CAP2: variants seen among roughly 807,000 people sequenced by gnomAD.
The protein encoded by CAP2 is adenylyl cyclase-associated protein 2.
Under a neutral mutation model 57.7 loss-of-function variants are expected in CAP2, and 24 were observed. The observed-to-expected ratio is 0.42, with a 90% CI of 0.30 to 0.58. CAP2 has a LOEUF of 0.58. Among genes scored for constraint, CAP2 ranks in the 20% least tolerant of loss-of-function variants. CAP2 has a pLI of 0.22. For missense variants in CAP2, 501 were observed against 590.3 expected, an observed-to-expected ratio of 0.85 and a Z score of 1.57; for synonymous variants, 194 against 207.2, an observed-to-expected ratio of 0.94 and a Z score of 0.55.
At chr6:17,467,998 T>G (rs1760914628) in intron 4 of CAP2, among the ~76,000 whole-genome samples, 1 of 152,160 alleles carries the variant, frequency 6.6e-6, no homozygotes, top group South Asian at 2.1e-4. Context: ...ACCATCCTTC[T>G]ACTCTGTATG....
chr6:17,551,363 A>G (rs1321794580), intron 11 of CAP2, 101 bp from the exon 12 acceptor site: 12 of 969,222 alleles, frequency 1.2e-5, no homozygotes, highest in Non-Finnish European at 1.8e-5. Flanking sequence ...ATGCTTGGTT[A>G]AGCCCAAGCT....
chr6:17,532,134 C>CTTT lies in CAP2; in HGVS notation c.637-7114_637-7112dup, dbSNP rs35428314. ...TACCTCTATTGTTGGGTTTGAAAAT[C>CTTT]TTTTTTTTTTTTTTTTTTTTTTTGG... is the stretch of plus-strand genomic sequence containing the variant. On this transcript the variant is annotated intron_variant, in intron 7 of 12. Coordinates refer to ENST00000229922, the MANE Select transcript of CAP2 (RefSeq NM_006366.3). Among the ~76,000 whole-genome samples, 194 of 85,884 alleles carry CTTT rather than the reference C, an allele frequency of 2.3e-3. 1 individual carries two copies. Among genetic ancestry groups the CTTT allele is most frequent in the East Asian group, 3.1e-3 (9 of 2,900 alleles). The allele number at this position is 85,884 out of a possible 152,430, so 56.3% of individuals were successfully genotyped here. A position where few individuals can be genotyped will look rare whatever the true frequency, so the allele number is the denominator to read the frequency against.
intron 1 of CAP2, among the ~76,000 whole-genome samples, chr6:17,402,551 T>G (rs768164332): frequency 5.9e-5 from 9 of 152,208 alleles, no homozygotes; most frequent in Non-Finnish European, 1.3e-4. Context: ...AATGAAATTT[T>G]GACTCTCATA....
chr6:17,543,183 C>G (rs1350344027), intron 11 of CAP2, 40 bp downstream of exon 11: 2 of 1,504,574 alleles, frequency 1.3e-6, no homozygotes, highest in Admixed American at 3.4e-5. Context: ...ATAAGCAGAG[C>G]CTTTCCAACC....
chr6:17,523,124 C>T (rs563368573), intron 7 of CAP2, among the ~76,000 whole-genome samples: 6 of 152,168 alleles, frequency 3.9e-5, no homozygotes, highest in Non-Finnish European at 8.8e-5. Context: ...ATTAGAGGCC[C>T]TGATACGTGT....
At chr6:17,550,381 G>A (rs1763140285) in intron 11 of CAP2, among the ~76,000 whole-genome samples, 1 of 138,106 alleles carries the variant, frequency 7.2e-6, no homozygotes, top group South Asian at 2.3e-4. Context: ...ACCTGACCTT[G>A]AACTACCCCT....
chr6:17,417,388 G>C (rs1041817541), intron 1 of CAP2, among the ~76,000 whole-genome samples: 1 of 150,310 alleles, frequency 6.7e-6, no homozygotes, highest in Non-Finnish European at 1.5e-5. Flanking sequence ...AGATCCTCCT[G>C]CCTCAGTCCT....
At chr6:17,481,462 A>G (rs1010270912) in intron 4 of CAP2, among the ~76,000 whole-genome samples, 4 of 152,188 alleles carry the variant, frequency 2.6e-5, no homozygotes, top group Non-Finnish European at 4.4e-5. Flanking sequence ...ACTTTTGTTC[A>G]TCTTCAGCTG....
intron 4 of CAP2, among the ~76,000 whole-genome samples, chr6:17,480,261 A>G (rs1244761867): frequency 2.0e-5 from 3 of 152,058 alleles, no homozygotes; most frequent in African/African-American, 7.2e-5. Context: ...CCCCACAGCA[A>G]ATCCATTATC....
At chr6:17,540,621 G>A (rs536782211) in intron 8 of CAP2, among the ~76,000 whole-genome samples, 81 of 152,188 alleles carry the variant, frequency 5.3e-4, no homozygotes, top group Non-Finnish European at 8.4e-4. Context: ...GCGTGTGGTG[G>A]TGCATGCCTG....
rs554059041 is a variant in CAP2, at chr6:17,476,383, T to A, written c.300+13310T>A. ...ATTTGACTCTTTAGAATTTGAAATG[T>A]CTTTTCATAGAAAAGCACTGGACCA... On this transcript the variant is annotated intron_variant, in intron 4 of 12. Coordinates refer to ENST00000229922, the MANE Select transcript of CAP2 (RefSeq NM_006366.3). 2.0e-5 allele frequency among the ~76,000 whole-genome samples: 3 copies of A among 152,384 alleles called. No homozygotes were observed. The South Asian group carries it at 6.2e-4, about 32-fold the overall frequency.
chr6:17,530,133 G>T (rs575433291), intron 7 of CAP2, among the ~76,000 whole-genome samples: 1 of 152,264 alleles, frequency 6.6e-6, no homozygotes, highest in East Asian at 1.9e-4. Flanking sequence ...GAGTGCAGTG[G>T]TGCCATCATA....
intron 7 of CAP2, 79 bp from the exon 8 acceptor site, chr6:17,539,189 AG>A: frequency 7.6e-7 from 1 of 1,308,070 alleles, no homozygotes. Context: ...CATTGGCAGC[AG>A]GTTTCGACTC....
At position 17,402,361 on chromosome 6, in the gene CAP2, A is replaced by T. The variant is rs9370984; in HGVS notation, c.-2+8615A>T. Among the ~76,000 whole-genome samples, 9 of 152,334 alleles carry T rather than the reference A, an allele frequency of 5.9e-5. No individual in the cohort carries two copies. The East Asian group carries it at 1.7e-3, about 29-fold the overall frequency. On this transcript the variant is annotated intron_variant, in intron 1 of 12. Coordinates refer to ENST00000229922, the MANE Select transcript of CAP2 (RefSeq NM_006366.3). ...AAACTCTAGGGGATGGGGAGGACAA[A>T]AAAGGGGGAAATTTCTGAGTATAAA...
At chr6:17,409,228 C>G (rs1301903780) in intron 1 of CAP2, among the ~76,000 whole-genome samples, 3 of 151,638 alleles carry the variant, frequency 2.0e-5, no homozygotes, top group African/African-American at 7.3e-5. Flanking sequence ...AAAAATTCAC[C>G]AGGTGTGGTG....
At chr6:17,396,860 A>AGG (rs1267051206) in intron 1 of CAP2, among the ~76,000 whole-genome samples, 2 of 152,190 alleles carry the variant, frequency 1.3e-5, no homozygotes, top group African/African-American at 4.8e-5. Context: ...ACAGAAAACT[A>AGG]GGGGAAAAAG....
chr6:17,423,085 G>A (rs930050777), intron 2 of CAP2, among the ~76,000 whole-genome samples: 2 of 152,126 alleles, frequency 1.3e-5, no homozygotes, highest in Non-Finnish European at 2.9e-5. Context: ...GACCCATACT[G>A]AATCCTGTCA....
At chr6:17,422,525 A>G (rs539371873) in intron 2 of CAP2, among the ~76,000 whole-genome samples, 41 of 151,680 alleles carry the variant, frequency 2.7e-4, no homozygotes, top group African/African-American at 7.0e-4. Flanking sequence ...AATTTTTTGT[A>G]TTTTTAATAG....
chr6:17,522,371 C>T (rs180723369), intron 7 of CAP2, among the ~76,000 whole-genome samples: 11 of 152,316 alleles, frequency 7.2e-5, no homozygotes, highest in African/African-American at 2.4e-4. Context: ...ACCAAGCACA[C>T]ACCAGGCATT....
Sources: allele counts gnomAD v4.1 joint callset (sites outside exome capture counted in the v4.1 genomes callset), GRCh38; gene constraint gnomAD v4.1.1; transcripts MANE v1.5; gene names NCBI Gene and HGNC (gene_info 2026-07-23, HGNC 2026-07-21).